ANO10: variants seen among roughly 807,000 people sequenced by gnomAD.
The protein encoded by ANO10 is anoctamin 10, also known as anoctamin-10.
Under a neutral mutation model 74.7 loss-of-function variants are expected in ANO10, and 77 were observed. That is an observed-to-expected ratio of 1.03 (90% CI 0.86 to 1.25). ANO10 has a LOEUF of 1.25. Among genes scored for constraint, ANO10 ranks in the 50% most tolerant of loss-of-function variants. The probability of loss-of-function intolerance (pLI) is 0.00; values close to 1 mark genes in which losing one functional copy is unlikely to be tolerated. For synonymous variants in ANO10, 279 were observed against 284.9 expected (o/e 0.98, Z 0.21); for missense variants, 721 against 778.1 (o/e 0.93, Z 0.87).
chr3:43,611,745 T>C (rs972547152), intron 1 of ANO10, among the ~76,000 whole-genome samples: 5 of 152,180 alleles, frequency 3.3e-5, no homozygotes, highest in African/African-American at 1.2e-4. Context: ...ATTAAAACTC[T>C]GGAATTAAAC....
chr3:43,678,057 T>G (rs1208483686), intron 1 of ANO10, among the ~76,000 whole-genome samples: 3 of 152,226 alleles, frequency 2.0e-5, no homozygotes, highest in Admixed American at 6.5e-5. Flanking sequence ...TTGAAAATAC[T>G]GTTAAATTCC....
chr3:43,389,383 T>C (rs1180860441), intron 12 of ANO10, among the ~76,000 whole-genome samples: 2 of 152,262 alleles, frequency 1.3e-5, no homozygotes, highest in Non-Finnish European at 2.9e-5. Flanking sequence ...CCAAGTCATT[T>C]TGTTAAAAGG....
intron 12 of ANO10, among the ~76,000 whole-genome samples, chr3:43,388,084 G>A (rs563415413): frequency 2.2e-4 from 33 of 152,116 alleles, no homozygotes; most frequent in Non-Finnish European, 3.1e-4. Context: ...ACAAACATGT[G>A]CACTCTAGGT....
intron 11 of ANO10, among the ~76,000 whole-genome samples, chr3:43,499,519 G>T (rs1232009185): frequency 6.6e-6 from 1 of 152,090 alleles, no homozygotes; most frequent in Non-Finnish European, 1.5e-5. Context: ...GCCAGGATCA[G>T]CAGCAGTACA....
intron 12 of ANO10, among the ~76,000 whole-genome samples, chr3:43,396,068 A>AT (rs1384221735): frequency 2.7e-5 from 4 of 149,076 alleles, no homozygotes; most frequent in East Asian, 2.3e-4. Flanking sequence ...TTATTAATTT[A>AT]TTTATTTATT....
intron 12 of ANO10, among the ~76,000 whole-genome samples, chr3:43,416,778 T>TA (rs1435539908): frequency 6.6e-6 from 1 of 152,204 alleles, no homozygotes; most frequent in Non-Finnish European, 1.5e-5. Flanking sequence ...CCCCCATCCA[T>TA]TCCCAGCCTC....
intron 12 of ANO10, among the ~76,000 whole-genome samples, chr3:43,373,241 G>C (rs2091681947): frequency 6.6e-6 from 1 of 152,072 alleles, no homozygotes; most frequent in Non-Finnish European, 1.5e-5. Flanking sequence ...GGGCGAGTGT[G>C]ACAGAAATCA....
intron 11 of ANO10, among the ~76,000 whole-genome samples, chr3:43,491,497 G>C (rs1411604375): frequency 6.6e-6 from 1 of 152,130 alleles, no homozygotes; most frequent in African/African-American, 2.4e-5. Context: ...CTGGGGGATA[G>C]AGTAAAACTC....
At chr3:43,504,171 G>A (rs1204618451) in intron 11 of ANO10, among the ~76,000 whole-genome samples, 1 of 152,106 alleles carries the variant, frequency 6.6e-6, no homozygotes, top group African/African-American at 2.4e-5. Flanking sequence ...GGGATGCTGA[G>A]GCAGGAGAAT....
chr3:43,420,899 G>C (rs1333818762), intron 12 of ANO10, among the ~76,000 whole-genome samples: 1 of 152,170 alleles, frequency 6.6e-6, no homozygotes, highest in Non-Finnish European at 1.5e-5. Flanking sequence ...CTTTAAATTC[G>C]ATGATGCCAA....
Position 43,512,899 on chromosome 3 carries a change from A to G in ANO10, c.1797+36821T>C, listed in dbSNP as rs563316241. 1.7e-4 allele frequency among the ~76,000 whole-genome samples: 26 copies of G among 152,320 alleles called. No homozygotes were observed. The South Asian group carries it at 5.2e-3, about 30-fold the overall frequency. On this transcript the variant is annotated intron_variant, in intron 11 of 12. Coordinates refer to ENST00000292246, the MANE Select transcript of ANO10 (RefSeq NM_018075.5). ...GAAGCAGGGTGAGCCTACAGCTGCTACTTACTGCCTAGACAAAGTCTCCAG... is the reference window on the plus strand; with the variant it reads ...GAAGCAGGGTGAGCCTACAGCTGCTGCTTACTGCCTAGACAAAGTCTCCAG...
chr3:43,466,457 A>G (rs2149041743), intron 11 of ANO10, among the ~76,000 whole-genome samples: 1 of 151,810 alleles, frequency 6.6e-6, no homozygotes, highest in South Asian at 2.1e-4. Flanking sequence ...GAGTCCTGAA[A>G]TTGAGACACA....
intron 9 of ANO10, among the ~76,000 whole-genome samples, chr3:43,556,510 C>G (rs1331597663): frequency 6.6e-6 from 1 of 152,112 alleles, no homozygotes; most frequent in African/African-American, 2.4e-5. Context: ...GATAGCTACA[C>G]GTTAACACTG....
At chr3:43,560,751 CTG>C (rs1163943319) in intron 9 of ANO10, among the ~76,000 whole-genome samples, 4 of 152,192 alleles carry the variant, frequency 2.6e-5, no homozygotes, top group African/African-American at 9.7e-5. Context: ...CTTAAAAGAA[CTG>C]TTTTATATTT....
chr3:43,612,144 A>T (rs1167526365), intron 1 of ANO10, among the ~76,000 whole-genome samples: 2 of 32,024 alleles, frequency 6.2e-5, no homozygotes, highest in African/African-American at 3.3e-4. Flanking sequence ...AATATTTTAT[A>T]TATATATATA....
At chr3:43,485,326 AGG>A in intron 11 of ANO10, 2 of 528,296 alleles carry the variant, frequency 3.8e-6, no homozygotes, top group Non-Finnish European at 3.4e-6. Context: ...CGGATCCGAC[AGG>A]GTGTCCGCTG....
In ANO10 at chr3:43,686,204, T is replaced by C. The variant is rs142361903; in HGVS notation, c.-12+5313A>G. Among the ~76,000 whole-genome samples the C allele has an allele frequency of 6.5e-4, 99 of 152,286 alleles. 2 individuals carry two copies. The highest frequency in any genetic ancestry group is 2.3e-3 in the African/African-American group (96 of 41,566). On this transcript the variant is annotated intron_variant, in intron 1 of 3. Transcript: ENST00000413397. ...ATATCTGTCAATCCTCTCCCGTCCCTACCCCACCCCATACACACCTTAAAA... is the reference window on the plus strand; with the variant it reads ...ATATCTGTCAATCCTCTCCCGTCCCCACCCCACCCCATACACACCTTAAAA...
chr3:43,679,827 C>G (rs2084171256), intron 1 of ANO10, among the ~76,000 whole-genome samples: 2 of 152,194 alleles, frequency 1.3e-5, no homozygotes. Flanking sequence ...CCCAGGCAAA[C>G]AGGGTCTGGA....
At chr3:43,526,229 T>C (rs576309875) in intron 11 of ANO10, among the ~76,000 whole-genome samples, 1 of 152,360 alleles carries the variant, frequency 6.6e-6, no homozygotes, top group East Asian at 1.9e-4. Flanking sequence ...AACATGTTAA[T>C]TGTCCTGTGC....
Sources: allele counts gnomAD v4.1 joint callset (sites outside exome capture counted in the v4.1 genomes callset), GRCh38; gene constraint gnomAD v4.1.1; transcripts MANE v1.5; gene names NCBI Gene and HGNC (gene_info 2026-07-23, HGNC 2026-07-21).